Variants in TRPM3 observed in about 807,000 individuals in gnomAD.
The protein encoded by TRPM3 is long transient receptor potential channel 3.
TRPM3 carries 77 observed loss-of-function variants against 181.2 expected under a neutral mutation model. That is an observed-to-expected ratio of 0.42 (90% CI 0.35 to 0.51). The LOEUF is 0.51. Ranked by LOEUF, TRPM3 falls within the 20% of genes least tolerant of loss-of-function variation. TRPM3 has a pLI of 0.01. For missense variants in TRPM3, 1,759 were observed against 2,196.7 expected, an observed-to-expected ratio of 0.80 and a Z score of 3.98; for synonymous variants, 745 against 796.4, an observed-to-expected ratio of 0.94 and a Z score of 1.09.
At chr9:70,943,612 T>G (rs1441429869) in intron 1 of TRPM3, among the ~76,000 whole-genome samples, 3 of 152,200 alleles carry the variant, frequency 2.0e-5, no homozygotes, top group Non-Finnish European at 4.4e-5. Context: ...TCACAGTTAT[T>G]AAGCCATGCT....
intron 1 of TRPM3, among the ~76,000 whole-genome samples, chr9:71,049,737 G>T (rs2059857011): frequency 6.6e-6 from 1 of 152,120 alleles, no homozygotes; most frequent in African/African-American, 2.4e-5. Context: ...ACTCTTTGAG[G>T]GCAGAGGAGG....
chr9:70,676,391 T>G (rs1304179912), intron 9 of TRPM3, among the ~76,000 whole-genome samples: 2 of 152,220 alleles, frequency 1.3e-5, no homozygotes, highest in Non-Finnish European at 2.9e-5. Flanking sequence ...CAGAGACCAC[T>G]TACAATAACT....
rs574316014 is a variant in TRPM3, at chr9:70,921,753, C to T, written c.178-57242G>A. On this transcript the variant is annotated intron_variant, in intron 1 of 25. Transcript: ENST00000677713. ...CTGTTGTTCACTTTGATGAAGCAAGCCACCATGTCACGGATTGCTATATAG... is the reference window on the plus strand; with the variant it reads ...CTGTTGTTCACTTTGATGAAGCAAGTCACCATGTCACGGATTGCTATATAG... Among the ~76,000 whole-genome samples the T allele has an allele frequency of 2.6e-5, 4 of 152,198 alleles. No homozygotes were observed. In the East Asian group the frequency reaches 7.7e-4, roughly 29 times the overall value.
chr9:70,925,997 CAAA>C (rs55825345), intron 1 of TRPM3, among the ~76,000 whole-genome samples: 8 of 139,122 alleles, frequency 5.8e-5, no homozygotes, highest in Admixed American at 7.1e-5. Context: ...CTTGGGAAAA[CAAA>C]AAAAAAAAAA....
At chr9:71,144,138 T>C (rs1407171798) in intron 1 of TRPM3, among the ~76,000 whole-genome samples, 1 of 152,168 alleles carries the variant, frequency 6.6e-6, no homozygotes, top group Non-Finnish European at 1.5e-5. Context: ...TTCCTTACAT[T>C]GTGGCCAAAA....
chr9:71,148,757 G>A (rs750894049), intron 1 of TRPM3, among the ~76,000 whole-genome samples: 3 of 152,162 alleles, frequency 2.0e-5, no homozygotes, highest in Non-Finnish European at 4.4e-5. Flanking sequence ...AAGTCATAGG[G>A]TGAATTTCAA....
At chr9:71,257,826 T>G (rs1247841124) in intron 1 of TRPM3, among the ~76,000 whole-genome samples, 1 of 152,242 alleles carries the variant, frequency 6.6e-6, no homozygotes, top group African/African-American at 2.4e-5. Flanking sequence ...CCCTCCATTA[T>G]AGCTGATATT....
chr9:70,945,543 A>T (rs1340031973), intron 1 of TRPM3, among the ~76,000 whole-genome samples: 8 of 152,138 alleles, frequency 5.3e-5, no homozygotes, highest in Non-Finnish European at 1.0e-4. Flanking sequence ...GTGAAATCTT[A>T]AGAAATGTTA....
chr9:71,110,453 T>C (rs2070813785), intron 1 of TRPM3, among the ~76,000 whole-genome samples: 1 of 152,234 alleles, frequency 6.6e-6, no homozygotes, highest in South Asian at 2.1e-4. Context: ...CTTTGTTGTG[T>C]ATTGTCTGCG....
In TRPM3 at chr9:71,408,876, G is replaced by A. The variant is rs1038912257; in HGVS notation, c.183+37777C>T. On this transcript the variant is annotated intron_variant, in intron 1 of 24. Coordinates refer to the TRPM3 transcript ENST00000357533. ...AGAGAAAGGTCGGGTTACCCACAAA[G>A]GGAAGCCCATCGGACTAGCAGCTGA... is the stretch of plus-strand genomic sequence containing the variant. 3.3e-5 allele frequency among the ~76,000 whole-genome samples: 5 copies of A among 152,194 alleles called. 1 individual carries two copies. In the South Asian group the frequency reaches 8.3e-4, roughly 25 times the overall value.
chr9:71,296,750 C>A (rs1238792424), intron 1 of TRPM3, among the ~76,000 whole-genome samples: 2 of 152,018 alleles, frequency 1.3e-5, no homozygotes, highest in African/African-American at 2.4e-5. Context: ...CTACAAGACC[C>A]AACAGACTAG....
intron 6 of TRPM3, among the ~76,000 whole-genome samples, chr9:70,786,828 T>C (rs1020948536): frequency 6.6e-6 from 1 of 152,180 alleles, no homozygotes; most frequent in Admixed American, 6.5e-5. Flanking sequence ...TTTAGACCCC[T>C]TCTAGGATCT....
intron 9 of TRPM3, among the ~76,000 whole-genome samples, chr9:70,668,333 G>A (rs1272781119): frequency 1.3e-5 from 2 of 152,164 alleles, no homozygotes; most frequent in South Asian, 2.1e-4. Flanking sequence ...CCCCATTGTG[G>A]TACTTGTGAG....
At chr9:70,877,776 C>T (rs573594233) in intron 1 of TRPM3, among the ~76,000 whole-genome samples, 3 of 136,636 alleles carry the variant, frequency 2.2e-5, no homozygotes, top group African/African-American at 8.3e-5. Flanking sequence ...TTTCCGTTGG[C>T]GACCTAAGTG....
chr9:71,175,707 T>C (rs2077074260), intron 1 of TRPM3, among the ~76,000 whole-genome samples: 1 of 152,116 alleles, frequency 6.6e-6, no homozygotes, highest in Non-Finnish European at 1.5e-5. Context: ...GTTTTCAACA[T>C]GGAGATCAAA....
chr9:71,193,224 G>A (rs975633016), intron 1 of TRPM3, among the ~76,000 whole-genome samples: 2 of 151,338 alleles, frequency 1.3e-5, no homozygotes, highest in Admixed American at 6.6e-5. Context: ...TTTCCCCCAC[G>A]TGGTCATCAC....
intron 1 of TRPM3, among the ~76,000 whole-genome samples, chr9:71,057,235 C>T (rs1209698870): frequency 6.6e-6 from 1 of 151,964 alleles, no homozygotes; most frequent in Non-Finnish European, 1.5e-5. Flanking sequence ...GTCCATTGCT[C>T]TTCTGGGCAC....
chr9:70,906,863 A>G (rs1257181504), intron 1 of TRPM3, among the ~76,000 whole-genome samples: 1 of 152,186 alleles, frequency 6.6e-6, no homozygotes, highest in Admixed American at 6.5e-5. Context: ...AGATTGCTCC[A>G]TTACACTCCA....
intron 1 of TRPM3, among the ~76,000 whole-genome samples, chr9:71,370,560 A>G (rs1293636401): frequency 6.6e-6 from 1 of 152,230 alleles, no homozygotes; most frequent in African/African-American, 2.4e-5. Flanking sequence ...TCAATTCTAT[A>G]AAGTCTGAGG....
Sources: allele counts gnomAD v4.1 joint callset (sites outside exome capture counted in the v4.1 genomes callset), GRCh38; gene constraint gnomAD v4.1.1; transcripts MANE v1.5; gene names NCBI Gene and HGNC (gene_info 2026-07-23, HGNC 2026-07-21).